Variants in MTR observed in about 807,000 individuals in gnomAD.
MTR encodes the protein methionine synthase.
Under a neutral mutation model 154.8 loss-of-function variants are expected in MTR, and 84 were observed. The observed-to-expected ratio is 0.54, with a 90% CI of 0.45 to 0.65. The LOEUF (loss-of-function observed/expected upper bound fraction) is 0.65, where lower values mean the gene tolerates loss of function less well. Among genes scored for constraint, MTR ranks in the 30% least tolerant of loss-of-function variants. The pLI, the probability that MTR is intolerant of heterozygous loss-of-function variation, is 0.00. For synonymous variants in MTR, 554 were observed against 553.9 expected (o/e 1.00, Z 0.00); for missense variants, 1,275 against 1,570.2 (o/e 0.81, Z 3.18).
rs533700914 is a variant in MTR at position 236,872,632 on chromosome 1, C to T, written c.2406-1141C>T. Among the ~76,000 whole-genome samples, 9 of 152,238 alleles carry T rather than the reference C, an allele frequency of 5.9e-5. No individual in the cohort carries two copies. The South Asian group carries it at 1.0e-3, about 18-fold the overall frequency. ...ACAGATTGCTTAATTTCTCTGGGCC[C>T]CTTCTCATTAAAATGAGACCCATAG... On this transcript the variant is annotated intron_variant, in intron 22 of 32. Transcript: ENST00000366577.
intron 27 of MTR, among the ~76,000 whole-genome samples, chr1:236,887,319 G>A (rs1455931830): frequency 2.0e-5 from 3 of 152,170 alleles, no homozygotes; most frequent in Admixed American, 6.5e-5. Flanking sequence ...GGAGCTCGGG[G>A]TTCTCATCCC....
At chr1:236,852,283 G>A (rs1375489425) in intron 16 of MTR, among the ~76,000 whole-genome samples, 5 of 152,080 alleles carry the variant, frequency 3.3e-5, no homozygotes, top group East Asian at 1.9e-4. Context: ...GTGTACGCGC[G>A]TGTTCTCCTT....
In MTR at chr1:236,800,151, T is replaced by C; in HGVS notation, c.35-3277T>C. The C allele has an allele frequency of 4.1e-6, 4 of 985,442 alleles. No individual in the cohort carries two copies. In the South Asian group the frequency reaches 1.9e-4, roughly 46 times the overall value. 61.0% of individuals were successfully genotyped at this position (985,442 alleles called of 1,614,324 possible). ...TGGAGGCACTCTGAGTGGTTAGATT[T>C]GCTCAACTTGTGTGCACTCGCTCAG... On this transcript the variant is annotated intron_variant, in intron 1 of 32. Coordinates refer to ENST00000366577, the MANE Select transcript of MTR (RefSeq NM_000254.3).
chr1:236,804,084 A>G (rs1244857142), intron 2 of MTR, among the ~76,000 whole-genome samples: 2 of 152,228 alleles, frequency 1.3e-5, no homozygotes, highest in African/African-American at 2.4e-5. Flanking sequence ...GTCCACAGTC[A>G]AAGTGCCAGC....
intron 29 of MTR, 32 bp downstream of exon 29, chr1:236,891,361 G>T (rs886136016): frequency 1.0e-5 from 16 of 1,592,710 alleles, no homozygotes; most frequent in Non-Finnish European, 1.3e-5. Context: ...CCAGCACACC[G>T]CTTTCGCTTG....
chr1:236,869,485 T>A (rs971223957), intron 22 of MTR, among the ~76,000 whole-genome samples: 5 of 152,188 alleles, frequency 3.3e-5, no homozygotes, highest in African/African-American at 1.2e-4. Flanking sequence ...GGCATGAGCC[T>A]CCATACCCAA....
chr1:236,819,447 G>A (rs1661792536), intron 8 of MTR, among the ~76,000 whole-genome samples: 1 of 152,028 alleles, frequency 6.6e-6, no homozygotes, highest in African/African-American at 2.4e-5. Flanking sequence ...TCTTTTTAAC[G>A]CTAAATAATA....
At chr1:236,803,720 T>C (rs1393593237) in intron 2 of MTR, 78 bp downstream of exon 2, 3 of 1,370,898 alleles carry the variant, frequency 2.2e-6, no homozygotes, top group Admixed American at 1.7e-5. Context: ...CAGGCTGCTA[T>C]GCCGAGTGCT....
At chr1:236,820,020 GC>G (rs1661831932) in intron 8 of MTR, 1 of 960,830 alleles carries the variant, frequency 1.0e-6, no homozygotes, top group African/African-American at 1.6e-5. Context: ...TGACTCGAGG[GC>G]TGACCAGCAG....
At chr1:236,814,252 TA>T (rs1661467305) in intron 6 of MTR, among the ~76,000 whole-genome samples, 2 of 152,174 alleles carry the variant, frequency 1.3e-5, no homozygotes, top group South Asian at 4.2e-4. Flanking sequence ...AAACAAATTA[TA>T]ATTTGAAAAG....
At chr1:236,843,830 A>G (rs1407772864) in intron 15 of MTR, among the ~76,000 whole-genome samples, 1 of 152,190 alleles carries the variant, frequency 6.6e-6, no homozygotes, top group African/African-American at 2.4e-5. Flanking sequence ...AAGACTGAGA[A>G]GCAGGTTTGG....
At chr1:236,849,492 T>G (rs935191088) in intron 15 of MTR, among the ~76,000 whole-genome samples, 4 of 152,184 alleles carry the variant, frequency 2.6e-5, no homozygotes, top group Admixed American at 6.6e-5. Context: ...GGCAGAAGCC[T>G]TAGTTCTGTG....
intron 18 of MTR, among the ~76,000 whole-genome samples, chr1:236,857,357 T>C (rs940214323): frequency 6.6e-6 from 1 of 152,256 alleles, no homozygotes; most frequent in Non-Finnish European, 1.5e-5. Flanking sequence ...CAGGCCTCCA[T>C]CAAGGACTAT....
chr1:236,826,692 G>C, intron 10 of MTR, 137 bp from the exon 11 acceptor site: 1 of 732,078 alleles, frequency 1.4e-6, no homozygotes. Context: ...TTTGTATCTA[G>C]AGTTAAGTAT....
In MTR at chr1:236,844,328, G is replaced by A. The variant is rs572578498; in HGVS notation, c.1515+5729G>A. 4.2e-3 allele frequency among the ~76,000 whole-genome samples: 633 copies of A among 152,226 alleles called. 9 individuals carry two copies. The highest frequency in any genetic ancestry group is 0.015 in the African/African-American group (609 of 41,534). ...CCAAGGAGATGAAAACTTTATTGGA[G>A]TGGGTTCAAGAGAGAATAGGAGAAG... On this transcript the variant is annotated intron_variant, in intron 15 of 32. Coordinates refer to ENST00000366577, the MANE Select transcript of MTR (RefSeq NM_000254.3).
intron 3 of MTR, among the ~76,000 whole-genome samples, chr1:236,806,435 A>G (rs1455889086): frequency 6.6e-6 from 1 of 152,194 alleles, no homozygotes; most frequent in Non-Finnish European, 1.5e-5. Context: ...GGCTTCTTTT[A>G]TGGGCAAGTA....
chr1:236,884,654 A>G (rs1022751400), intron 25 of MTR, among the ~76,000 whole-genome samples: 1 of 152,120 alleles, frequency 6.6e-6, no homozygotes, highest in Non-Finnish European at 1.5e-5. Flanking sequence ...CCAGAAGCTT[A>G]CCTGAGCCTT....
intron 19 of MTR, 43 bp from the exon 20 acceptor site, chr1:236,861,082 T>A: frequency 5.3e-6 from 8 of 1,496,850 alleles, no homozygotes; most frequent in Non-Finnish European, 7.2e-6. Flanking sequence ...ATTTTTTTTT[T>A]CTTTCTTTCT....
chr1:236,797,742 T>C (rs1476405455), intron 1 of MTR, among the ~76,000 whole-genome samples: 1 of 152,074 alleles, frequency 6.6e-6, no homozygotes, highest in East Asian at 1.9e-4. Flanking sequence ...GCGGGTCACC[T>C]GAGGTCAGGA....
Sources: allele counts gnomAD v4.1 joint callset (sites outside exome capture counted in the v4.1 genomes callset), GRCh38; gene constraint gnomAD v4.1.1; transcripts MANE v1.5; gene names NCBI Gene and HGNC (gene_info 2026-07-23, HGNC 2026-07-21).